The following NEGR1 variants were observed in gnomAD, a reference collection of about 807,000 sequenced individuals.
NEGR1 encodes IgLON family member 4.
Under a neutral mutation model 40.9 loss-of-function variants are expected in NEGR1, and 10 were observed. The ratio of observed to expected loss-of-function variants is 0.24; its 90% CI spans 0.15 to 0.42. The LOEUF is 0.42. Among genes scored for constraint, NEGR1 ranks in the 10% least tolerant of loss-of-function variants. The pLI is 1.00. For missense variants in NEGR1, 352 were observed against 438.9 expected, an observed-to-expected ratio of 0.80 and a Z score of 1.77; for synonymous variants, 185 against 166.8, an observed-to-expected ratio of 1.11 and a Z score of -0.84.
chr1:72,251,408 C>T (rs1489475262), intron 1 of NEGR1, among the ~76,000 whole-genome samples: 1 of 152,044 alleles, frequency 6.6e-6, no homozygotes, highest in Non-Finnish European at 1.5e-5. Flanking sequence ...ATTTCAGAAA[C>T]AGACTTACTC....
intron 1 of NEGR1, among the ~76,000 whole-genome samples, chr1:72,173,663 C>T (rs915163686): frequency 4.0e-5 from 6 of 151,722 alleles, no homozygotes; most frequent in Non-Finnish European, 7.4e-5. Flanking sequence ...ATATGAAGAC[C>T]GACATGGTGG....
chr1:71,654,765 A>G (rs1275647323), intron 4 of NEGR1, among the ~76,000 whole-genome samples: 9 of 152,210 alleles, frequency 5.9e-5, no homozygotes, highest in Admixed American at 2.0e-4. Context: ...AAGTGGATAC[A>G]TTCTACAAAT....
chr1:71,535,932 G>A (rs1229679974), intron 6 of NEGR1, among the ~76,000 whole-genome samples: 2 of 151,660 alleles, frequency 1.3e-5, no homozygotes, highest in East Asian at 3.9e-4. Context: ...ATTTTATAGG[G>A]TTTGGAAGGA....
chr1:71,658,211 C>T lies in NEGR1; in HGVS notation c.667+39797G>A, dbSNP rs372946158. On this transcript the variant is annotated intron_variant, in intron 4 of 6. Transcript: ENST00000357731. ...GGAATTGTTCATTTATCACTAAATC[C>T]AAAATACTCAGCATAGTGTGTGACG... Among the ~76,000 whole-genome samples the T allele has an allele frequency of 3.3e-5, 5 of 152,226 alleles. No individual in the cohort carries two copies. In the South Asian group the frequency reaches 8.3e-4, roughly 25 times the overall value.
intron 1 of NEGR1, among the ~76,000 whole-genome samples, chr1:72,263,186 TTATC>T (rs1382501472): frequency 2.0e-5 from 3 of 151,694 alleles, no homozygotes; most frequent in East Asian, 1.9e-4. Context: ...AAAATTACCT[TTATC>T]TAGTATTTTC....
At chr1:71,512,535 C>T (rs1647081687) in intron 6 of NEGR1, among the ~76,000 whole-genome samples, 1 of 151,604 alleles carries the variant, frequency 6.6e-6, no homozygotes, top group African/African-American at 2.4e-5. Flanking sequence ...CTATGTATAA[C>T]ATTCCTAACT....
intron 3 of NEGR1, among the ~76,000 whole-genome samples, chr1:71,700,301 A>C (rs943695200): frequency 2.0e-5 from 3 of 152,006 alleles, no homozygotes; most frequent in African/African-American, 4.8e-5. Context: ...GAGCCCAGTG[A>C]CACATATGAA....
intron 6 of NEGR1, among the ~76,000 whole-genome samples, chr1:71,572,438 C>A (rs1455518321): frequency 1.3e-5 from 2 of 152,158 alleles, no homozygotes; most frequent in Non-Finnish European, 2.9e-5. Context: ...TACTTATTTT[C>A]AGTATTCTGA....
intron 1 of NEGR1, among the ~76,000 whole-genome samples, 155 bp downstream of exon 1, chr1:72,282,164 C>T (rs147158427): frequency 6.6e-6 from 1 of 152,190 alleles, no homozygotes; most frequent in Non-Finnish European, 1.5e-5. Flanking sequence ...GCCGGGGCTC[C>T]GGGAAGAATC....
intron 1 of NEGR1, among the ~76,000 whole-genome samples, chr1:72,182,220 A>AAT (rs1652403558): frequency 1.3e-5 from 2 of 152,106 alleles, no homozygotes; most frequent in Non-Finnish European, 2.9e-5. Context: ...TTAGCTGGGC[A>AAT]CAATGGCTTT....
chr1:71,831,458 G>T (rs1327852066), intron 2 of NEGR1, among the ~76,000 whole-genome samples: 1 of 151,890 alleles, frequency 6.6e-6, no homozygotes, highest in African/African-American at 2.4e-5. Context: ...CTGGTTTAGA[G>T]TTAAGCATTT....
At chr1:72,069,916 T>C (rs572057482) in intron 1 of NEGR1, among the ~76,000 whole-genome samples, 1 of 152,240 alleles carries the variant, frequency 6.6e-6, no homozygotes, top group Admixed American at 6.5e-5. Context: ...TCCAAGTTTA[T>C]AGAATAATTT....
At chr1:71,498,004 C>T in intron 6 of NEGR1, among the ~76,000 whole-genome samples, 1 of 152,126 alleles carries the variant, frequency 6.6e-6, no homozygotes, top group East Asian at 1.9e-4. Context: ...ATAGCTTCCA[C>T]AGGCTGTTGC....
At chr1:71,915,870 G>A (rs545835628) in intron 2 of NEGR1, among the ~76,000 whole-genome samples, 3 of 152,148 alleles carry the variant, frequency 2.0e-5, no homozygotes, top group East Asian at 1.9e-4. Context: ...ACCTTTGAGC[G>A]AGAAACACAG....
At chr1:72,178,095 C>A (rs1652240417) in intron 1 of NEGR1, among the ~76,000 whole-genome samples, 1 of 151,922 alleles carries the variant, frequency 6.6e-6, no homozygotes, top group Non-Finnish European at 1.5e-5. Flanking sequence ...GTAAAACTGG[C>A]AGTCAAAGAT....
At chr1:71,874,472 ATCT>A (rs1390532454) in intron 2 of NEGR1, among the ~76,000 whole-genome samples, 47 of 152,138 alleles carry the variant, frequency 3.1e-4, no homozygotes, top group African/African-American at 1.1e-3. Context: ...GTGGGTCTCT[ATCT>A]TCTTCAACTG....
intron 2 of NEGR1, among the ~76,000 whole-genome samples, chr1:71,906,297 C>T (rs545445418): frequency 3.9e-5 from 6 of 151,952 alleles, no homozygotes; most frequent in South Asian, 2.1e-4. Flanking sequence ...ATACGCTGCT[C>T]GGGTAATGGG....
intron 1 of NEGR1, among the ~76,000 whole-genome samples, chr1:71,993,674 TA>T (rs1289662147): frequency 1.3e-5 from 2 of 152,246 alleles, no homozygotes; most frequent in African/African-American, 4.8e-5. Flanking sequence ...CAAAATGTGT[TA>T]AACATATTAT....
intron 1 of NEGR1, among the ~76,000 whole-genome samples, chr1:72,030,352 G>A (rs1473194778): frequency 1.3e-5 from 2 of 151,936 alleles, no homozygotes; most frequent in Non-Finnish European, 2.9e-5. Context: ...GATTACAGGT[G>A]CCCACCACCA....
Sources: allele counts gnomAD v4.1 joint callset (sites outside exome capture counted in the v4.1 genomes callset), GRCh38; gene constraint gnomAD v4.1.1; transcripts MANE v1.5; gene names NCBI Gene and HGNC (gene_info 2026-07-23, HGNC 2026-07-21).